The following TMEM260 variants were observed in gnomAD, a reference collection of about 807,000 sequenced individuals.
TMEM260 encodes the protein protein O-mannosyl-transferase TMEM260.
A neutral mutation model predicts 88.9 loss-of-function variants in TMEM260; 82 were observed. That is an observed-to-expected ratio of 0.92 (90% CI 0.77 to 1.11). The LOEUF is 1.11. TMEM260 is among the 50% of genes least tolerant of loss of function. The probability of loss-of-function intolerance (pLI) is 0.00; values close to 1 mark genes in which losing one functional copy is unlikely to be tolerated. For missense variants in TMEM260, 902 were observed against 853.4 expected (o/e 1.06, Z -0.71); for synonymous variants, 314 against 309.3 (o/e 1.02, Z -0.16).
At chr14:56,608,976 T>G in intron 5 of TMEM260, 130 bp from the exon 6 acceptor site, 1 of 950,270 alleles carries the variant, frequency 1.1e-6, no homozygotes, top group Admixed American at 2.2e-5. Context: ...TATTCTGTGG[T>G]GACTTAATAT....
chr14:56,634,992 A>G, intron 14 of TMEM260, 40 bp downstream of exon 14: 1 of 1,574,946 alleles, frequency 6.3e-7, no homozygotes, highest in Non-Finnish European at 8.7e-7. Context: ...TCTATTTTTA[A>G]TATGGCAGGG....
At chr14:56,616,150 G>T in intron 8 of TMEM260, 123 bp downstream of exon 8, 1 of 661,094 alleles carries the variant, frequency 1.5e-6, no homozygotes, top group Non-Finnish European at 2.6e-6. Context: ...GACTCTCCTA[G>T]CTGTCTATTA....
chr14:56,584,112 C>T (rs1484958383), intron 1 of TMEM260, among the ~76,000 whole-genome samples: 2 of 151,860 alleles, frequency 1.3e-5, no homozygotes, highest in Non-Finnish European at 2.9e-5. Flanking sequence ...TTGGTCAAGT[C>T]TGTTGCCATA....
the TMEM260 span, among the ~76,000 whole-genome samples, chr14:56,656,702 C>A: frequency 6.6e-6 from 1 of 151,888 alleles, no homozygotes; most frequent in Non-Finnish European, 1.5e-5. Context: ...AACGTCTTTA[C>A]TAAATATGCA....
the TMEM260 span, among the ~76,000 whole-genome samples, chr14:56,660,329 T>C: frequency 6.6e-6 from 1 of 152,224 alleles, no homozygotes; most frequent in African/African-American, 2.4e-5. Context: ...GGGAGACTTT[T>C]GGTTGTTGCA....
chr14:56,597,377 G>A (rs976064277), intron 3 of TMEM260, among the ~76,000 whole-genome samples: 3 of 152,140 alleles, frequency 2.0e-5, no homozygotes, highest in African/African-American at 7.2e-5. Context: ...CTGGTCCCAG[G>A]CATTTCAGAT....
downstream of TMEM260, among the ~76,000 whole-genome samples, chr14:56,651,732 T>C (rs1447208689): frequency 6.6e-6 from 1 of 152,168 alleles, no homozygotes; most frequent in Non-Finnish European, 1.5e-5. Context: ...TGAGGATAAG[T>C]ATAATAAAAG....
intron 15 of TMEM260, among the ~76,000 whole-genome samples, chr14:56,646,816 C>T (rs1167266080): frequency 3.3e-5 from 5 of 149,650 alleles, no homozygotes; most frequent in African/African-American, 9.8e-5. Context: ...TAAATTCCTT[C>T]AAGTTCTTTT....
chr14:56,634,340 C>G (rs1038987384), intron 13 of TMEM260, among the ~76,000 whole-genome samples: 1 of 152,196 alleles, frequency 6.6e-6, no homozygotes, highest in Non-Finnish European at 1.5e-5. Flanking sequence ...CAGAGACTTT[C>G]AATGTCTTCC....
the TMEM260 span, among the ~76,000 whole-genome samples, chr14:56,657,110 A>C: frequency 6.6e-6 from 1 of 152,082 alleles, no homozygotes. Flanking sequence ...CTTCTCAGAG[A>C]ACAGTCTCCT....
At chr14:56,642,048 C>CAATAATAATGGGAGACTTTAACACCCCA (rs1304579031) in intron 15 of TMEM260, among the ~76,000 whole-genome samples, 1 of 152,158 alleles carries the variant, frequency 6.6e-6, no homozygotes, top group East Asian at 1.9e-4. Flanking sequence ...GACTCCCACA[C>CAATAATAATGGGAGACTTTAACACCCCA]AATAATAATG....
intron 11 of TMEM260, 26 bp downstream of exon 11, chr14:56,621,728 A>G (rs1435305418): frequency 1.3e-5 from 21 of 1,561,396 alleles, no homozygotes; most frequent in Non-Finnish European, 1.7e-5. Flanking sequence ...ATATACTTAG[A>G]ATATAGCGAT....
intron 14 of TMEM260, among the ~76,000 whole-genome samples, chr14:56,635,962 A>AAGAT (rs1889027931): frequency 6.6e-6 from 1 of 152,108 alleles, no homozygotes; most frequent in Non-Finnish European, 1.5e-5. Flanking sequence ...GAACTGATCA[A>AAGAT]AGATATACCA....
chr14:56,622,983 T>G (rs1368555777), intron 11 of TMEM260, among the ~76,000 whole-genome samples: 2 of 152,210 alleles, frequency 1.3e-5, no homozygotes, highest in African/African-American at 4.8e-5. Context: ...TTTTAAACAC[T>G]GTTTAGAATG....
intron 11 of TMEM260, among the ~76,000 whole-genome samples, chr14:56,624,235 G>T (rs2139604625): frequency 6.6e-6 from 1 of 152,196 alleles, no homozygotes; most frequent in South Asian, 2.1e-4. Context: ...TTTTGTCTAG[G>T]TTGTCTAGTC....
rs56310664 is a variant in TMEM260, at chr14:56,614,655, A to G, written c.858-1289A>G. 8.6e-3 allele frequency among the ~76,000 whole-genome samples: 1,305 copies of G among 152,282 alleles called. 27 individuals carry two copies. The highest frequency in any genetic ancestry group is 0.03 in the African/African-American group (1,261 of 41,554). On this transcript the variant is annotated intron_variant, in intron 7 of 15. Coordinates refer to ENST00000261556, the MANE Select transcript of TMEM260 (RefSeq NM_017799.4). ...TGGGACCCTTAAAGGCCTCCTTTAC[A>G]TTAAAATAATAGCAGGCTGTATACC...
chr14:56,653,736 C>CAAAAAAAA (rs10522889), downstream of TMEM260, among the ~76,000 whole-genome samples: 26 of 66,552 alleles, frequency 3.9e-4, no homozygotes, highest in African/African-American at 1.5e-3. Flanking sequence ...CTCTTGTCTC[C>CAAAAAAAA]AAAACAAAAA....
At chr14:56,627,299 C>G (rs1888299456) in intron 12 of TMEM260, among the ~76,000 whole-genome samples, 1 of 152,000 alleles carries the variant, frequency 6.6e-6, no homozygotes, top group Non-Finnish European at 1.5e-5. Context: ...TGGAAGAAAA[C>G]AGGGTCCTAT....
intron 7 of TMEM260, chr14:56,612,601 T>C: frequency 3.5e-6 from 1 of 284,150 alleles, no homozygotes; most frequent in South Asian, 6.6e-5. Flanking sequence ...CCTAGTATAA[T>C]GTAAATGCTA....
Sources: allele counts gnomAD v4.1 joint callset (sites outside exome capture counted in the v4.1 genomes callset), GRCh38; gene constraint gnomAD v4.1.1; transcripts MANE v1.5; gene names NCBI Gene and HGNC (gene_info 2026-07-23, HGNC 2026-07-21).